CDH11: variants seen among roughly 807,000 people sequenced by gnomAD.
CDH11 encodes cadherin-11.
CDH11 carries 11 observed loss-of-function variants against 67.8 expected under a neutral mutation model. The observed-to-expected ratio is 0.16, with a 90% CI of 0.10 to 0.27. The LOEUF is 0.27. CDH11 is among the 10% of genes least tolerant of loss of function. The pLI is 1.00. For synonymous variants in CDH11, 419 were observed against 400.0 expected, an observed-to-expected ratio of 1.05 and a Z score of -0.57; for missense variants, 847 against 1,031.2, an observed-to-expected ratio of 0.82 and a Z score of 2.45.
intron 6 of CDH11, among the ~76,000 whole-genome samples, chr16:64,990,489 AC>A (rs929960311): frequency 6.6e-6 from 1 of 151,590 alleles, no homozygotes; most frequent in Non-Finnish European, 1.5e-5. Context: ...TTCATGATGA[AC>A]CCCCCCATGC....
chr16:65,029,929 T>C (rs1361492296), intron 2 of CDH11, among the ~76,000 whole-genome samples: 1 of 152,210 alleles, frequency 6.6e-6, no homozygotes, highest in African/African-American at 2.4e-5. Context: ...GATCTCAGTA[T>C]AGCTAATTTC....
intron 6 of CDH11, among the ~76,000 whole-genome samples, chr16:64,988,953 A>G (rs1567511709): frequency 6.6e-6 from 1 of 151,968 alleles, no homozygotes; most frequent in South Asian, 2.1e-4. Flanking sequence ...ACCCTCCTAT[A>G]TATTTATTTA....
intron 1 of CDH11, among the ~76,000 whole-genome samples, chr16:65,105,793 G>A (rs1390984099): frequency 1.3e-5 from 2 of 152,092 alleles, no homozygotes; most frequent in African/African-American, 4.8e-5. Context: ...AATGTTAATC[G>A]AATTGTTTCC....
In CDH11 at chr16:64,945,137, AAC is replaced by A. The variant is rs1596995575; in HGVS notation, c.*2464_*2465del. Reference sequence around the variant, plus strand: ...TCTTTTAGCTGCATAGATGGTATAAAACAGTGATTACTTTAGAATAAGGAAGG... The same window carrying A: ...TCTTTTAGCTGCATAGATGGTATAAAAGTGATTACTTTAGAATAAGGAAGG... On this transcript the variant is annotated 3_prime_UTR_variant, in exon 13 of 13. Coordinates refer to ENST00000268603, the MANE Select transcript of CDH11 (RefSeq NM_001797.4). The A allele has an allele frequency of 1.5e-5, 3 of 201,338 alleles. No individual in the cohort carries two copies. In the East Asian group the frequency reaches 2.3e-4, roughly 15 times the overall value. The allele number at this position is 201,338 out of a possible 1,614,324, so 12.5% of individuals were successfully genotyped here. A position where few individuals can be genotyped will look rare whatever the true frequency, so the allele number is the denominator to read the frequency against.
chr16:65,061,795 C>T (rs1027810031), intron 1 of CDH11, among the ~76,000 whole-genome samples: 1 of 152,196 alleles, frequency 6.6e-6, no homozygotes, highest in African/African-American at 2.4e-5. Flanking sequence ...TCCAAACAGG[C>T]AATTATGATG....
intron 1 of CDH11, chr16:65,072,239 C>T (rs2074430721): frequency 6.6e-6 from 1 of 152,518 alleles, no homozygotes; most frequent in Admixed American, 6.5e-5. Flanking sequence ...AGAGGCGGCT[C>T]CTGATCCCTG....
chr16:65,023,071 G>C (rs1043080045), intron 2 of CDH11, among the ~76,000 whole-genome samples: 4 of 152,170 alleles, frequency 2.6e-5, no homozygotes, highest in Non-Finnish European at 4.4e-5. Context: ...TCAGTCATTG[G>C]AAACTAAAGC....
At chr16:65,040,870 T>C (rs1322874729) in intron 2 of CDH11, among the ~76,000 whole-genome samples, 1 of 152,168 alleles carries the variant, frequency 6.6e-6, no homozygotes, top group Non-Finnish European at 1.5e-5. Context: ...GCATAGAAAA[T>C]GTAATAAGCC....
At chr16:65,047,713 T>C (rs1188915156) in intron 2 of CDH11, among the ~76,000 whole-genome samples, 2 of 152,186 alleles carry the variant, frequency 1.3e-5, no homozygotes, top group African/African-American at 4.8e-5. Flanking sequence ...AATGTATCTA[T>C]CTAAGGATAC....
chr16:64,980,789 T>C (rs2072313007), intron 8 of CDH11, among the ~76,000 whole-genome samples: 2 of 151,936 alleles, frequency 1.3e-5, no homozygotes, highest in Non-Finnish European at 2.9e-5. Context: ...GGCTGCAGAG[T>C]CAGGATTCAT....
intron 1 of CDH11, among the ~76,000 whole-genome samples, chr16:65,115,677 ACTC>A (rs2075230463): frequency 6.9e-6 from 1 of 145,520 alleles, no homozygotes; most frequent in Admixed American, 7.1e-5. Flanking sequence ...TGGAGGCAAA[ACTC>A]CTCACTCACA....
chr16:65,102,744 C>T (rs1031338982), intron 1 of CDH11, among the ~76,000 whole-genome samples: 1 of 152,180 alleles, frequency 6.6e-6, no homozygotes, highest in African/African-American at 2.4e-5. Context: ...CTCTGAAAGT[C>T]ATGATTATCC....
Position 65,067,664 on chromosome 16 carries a change from T to C in CDH11, c.-297-13736A>G, listed in dbSNP as rs1040840618. ...TTTCTATGCACACTGACACATAGAA[T>C]TGGGACCTATGTAAAGGTGAGACAG... On this transcript the variant is annotated intron_variant, in intron 1 of 12. Coordinates refer to ENST00000268603, the MANE Select transcript of CDH11 (RefSeq NM_001797.4). Among the ~76,000 whole-genome samples the C allele has an allele frequency of 2.0e-5, 3 of 150,634 alleles. No homozygotes were observed. In the East Asian group the frequency reaches 5.9e-4, roughly 30 times the overall value.
chr16:65,025,329 G>A (rs912666437), intron 2 of CDH11, among the ~76,000 whole-genome samples: 2 of 152,104 alleles, frequency 1.3e-5, no homozygotes, highest in African/African-American at 4.8e-5. Flanking sequence ...ACATTTATTT[G>A]GGTAGGTTTT....
At position 65,044,909 on chromosome 16, in the gene CDH11, G is replaced by A. The variant is rs550430933; in HGVS notation, c.-173+8895C>T. ...AGAGAAATAATGCTGCGGCTCAGTG[G>A]AGAAGGACTGGGGAAGAGAGAATAG... On this transcript the variant is annotated intron_variant, in intron 2 of 12. Transcript: ENST00000268603. Among the ~76,000 whole-genome samples the A allele has an allele frequency of 7.0e-4, 106 of 152,164 alleles. No homozygotes were observed. The South Asian group carries it at 8.3e-3, about 12-fold the overall frequency.
In CDH11 at chr16:65,065,067, G is replaced by A. The variant is rs149358237; in HGVS notation, c.-297-11139C>T. ...ATATCACGGGTCAGGTCAGCTATGC[G>A]AGGGGACTGCAAGAAATGATCACAG... is the stretch of plus-strand genomic sequence containing the variant. On this transcript the variant is annotated intron_variant, in intron 1 of 12. Transcript: ENST00000268603. 1.8e-3 allele frequency among the ~76,000 whole-genome samples: 271 copies of A among 152,244 alleles called. 3 individuals carry two copies. The highest frequency in any genetic ancestry group is 6.0e-3 in the African/African-American group (251 of 41,538).
chr16:65,098,224 A>C (rs2056729305), intron 1 of CDH11, among the ~76,000 whole-genome samples: 1 of 152,190 alleles, frequency 6.6e-6, no homozygotes, highest in Non-Finnish European at 1.5e-5. Context: ...ATTGAACCTC[A>C]TATTGCTACC....
intron 12 of CDH11, among the ~76,000 whole-genome samples, chr16:64,949,008 A>T (rs1178594239): frequency 3.9e-5 from 6 of 152,220 alleles, no homozygotes; most frequent in African/African-American, 1.4e-4. Flanking sequence ...GAGAGATTGT[A>T]CTTGCCCTGG....
chr16:65,104,633 T>C lies in CDH11; in HGVS notation c.-298+17247A>G, dbSNP rs116452364. Among the ~76,000 whole-genome samples the C allele has an allele frequency of 4.6e-3, 704 of 152,302 alleles. 8 individuals carry two copies. Among genetic ancestry groups the C allele is most frequent in the African/African-American group, 0.016 (662 of 41,564 alleles). Reference sequence around the variant, plus strand: ...TGGAATCTGTTTTGGTATAAACCCCTTTGGCACTGCGCTTTTAATCACTGC... The same window carrying C: ...TGGAATCTGTTTTGGTATAAACCCCCTTGGCACTGCGCTTTTAATCACTGC... On this transcript the variant is annotated intron_variant, in intron 1 of 12. Coordinates refer to ENST00000268603, the MANE Select transcript of CDH11 (RefSeq NM_001797.4).
Sources: allele counts gnomAD v4.1 joint callset (sites outside exome capture counted in the v4.1 genomes callset), GRCh38; gene constraint gnomAD v4.1.1; transcripts MANE v1.5; gene names NCBI Gene and HGNC (gene_info 2026-07-23, HGNC 2026-07-21).